ZNF891: variants seen among roughly 807,000 people sequenced by gnomAD.
The protein encoded by ZNF891 is zinc finger protein 891, also known as hCG1646157.
For missense variants in ZNF891, 589 were observed against 632.7 expected (o/e 0.93, Z 0.74); for synonymous variants, 199 against 209.0 (o/e 0.95, Z 0.41).
chr12:133,106,850 T>G lies in ZNF891; in HGVS notation c.*13434A>C. The G allele has an allele frequency of 2.3e-6, 1 of 442,622 alleles. No homozygotes were observed. Among genetic ancestry groups the G allele is most frequent in the Non-Finnish European group, 3.9e-6 (1 of 254,404 alleles). The allele number at this position is 442,622 out of a possible 1,614,324, so 27.4% of individuals were successfully genotyped here. On this transcript the variant is annotated 3_prime_UTR_variant, in exon 2 of 2. Coordinates refer to ENST00000537226, the MANE Select transcript of ZNF891 (RefSeq NM_001277291.2). ...AAAGCCATTAATAACCACTCTTTTATTTTTTTGCAATAACAAGGTGAAATC... is the reference window on the plus strand; with the variant it reads ...AAAGCCATTAATAACCACTCTTTTAGTTTTTTGCAATAACAAGGTGAAATC...
rs537176092 is a variant in ZNF891 at position 133,111,220 on chromosome 12, A to C, written c.*9064T>G. On this transcript the variant is annotated 3_prime_UTR_variant, in exon 2 of 2. Transcript: ENST00000537226. ...AACAATTCTTTTAAGGAAACAAAAC[A>C]AAAAAAAATAAATTATGTAACCCAG... 1 of 151,576 alleles carries C rather than the reference A, an allele frequency of 6.6e-6. No individual in the cohort carries two copies. Among genetic ancestry groups the C allele is most frequent in the South Asian group, 2.1e-4 (1 of 4,800 alleles). The allele number at this position is 151,576 out of a possible 1,614,324, so 9.4% of individuals were successfully genotyped here.
rs540032154 is a variant in ZNF891 at position 133,110,568 on chromosome 12, T to G, written c.*9716A>C. 9 of 152,204 alleles carry G rather than the reference T, an allele frequency of 5.9e-5. No individual in the cohort carries two copies. The highest frequency in any genetic ancestry group is 8.8e-5 in the Non-Finnish European group (6 of 68,042). The allele number at this position is 152,204 out of a possible 1,614,324, so 9.4% of individuals were successfully genotyped here. A position where few individuals can be genotyped will look rare whatever the true frequency, so the allele number is the denominator to read the frequency against. Reference sequence around the variant, plus strand: ...GCAACAATCAAATGCTTTGGGAGACTTAAGATACTCACAAATAGGTAAAGC... The same window carrying G: ...GCAACAATCAAATGCTTTGGGAGACGTAAGATACTCACAAATAGGTAAAGC... On this transcript the variant is annotated 3_prime_UTR_variant, in exon 2 of 2. Transcript: ENST00000537226.
In ZNF891 at chr12:133,105,600, T is replaced by TAA; in HGVS notation, c.*14682_*14683dup. 6.2e-7 allele frequency: 1 copy of TAA among 1,614,178 alleles called. No homozygotes were observed. The highest frequency in any genetic ancestry group is 1.3e-5 in the African/African-American group (1 of 75,060). Reference sequence around the variant, plus strand: ...CAGTATTTGATCATGGAAAGAATTCTAAGTCAAGGCCCTGTGTATTCCAGT... The same window carrying TAA: ...CAGTATTTGATCATGGAAAGAATTCTAAAAGTCAAGGCCCTGTGTATTCCAGT... On this transcript the variant is annotated 3_prime_UTR_variant, in exon 2 of 2. Coordinates refer to ENST00000537226, the MANE Select transcript of ZNF891 (RefSeq NM_001277291.2).
chr12:133,121,063 T>A lies in ZNF891; in HGVS notation c.856A>T (p.Asn286Tyr). 6.5e-7 allele frequency: 1 copy of A among 1,535,662 alleles called. No individual in the cohort carries two copies. Among genetic ancestry groups the A allele is most frequent in the Non-Finnish European group, 8.7e-7 (1 of 1,146,878 alleles). Residue 286 changes from asparagine to tyrosine, a missense_variant, in exon 2 of 2, where the codon AAT becomes TAT. Coordinates refer to ENST00000537226, the MANE Select transcript of ZNF891 (RefSeq NM_001277291.2). The part of the protein sequence containing the change: ...FTHNMFPVPN[N>Y]LHMAQNACEC... ...CAGGCATTCTGTGCCATATGCAAAT[T>A]GTTAGGTACAGGAAACATATTATGT...
In ZNF891 at chr12:133,120,458, G is replaced by C. The variant is rs1955744212; in HGVS notation, c.1461C>G (p.Pro487=). Reference sequence around the variant, plus strand: ...CTTTCCTACATTCCTTACATTCATAGGGTTTCTCTCCAGTGTGAGTTCTTA... The same window carrying C: ...CTTTCCTACATTCCTTACATTCATACGGTTTCTCTCCAGTGTGAGTTCTTA... ...MHIRTHTGEK[P]YECKECRKAF... The change falls in exon 2 of 2, where the codon CCC becomes CCG. Residue 487 remains proline (P), a synonymous_variant. Transcript: ENST00000537226. 2 of 1,604,726 alleles carry C rather than the reference G, an allele frequency of 1.2e-6. No homozygotes were observed. The highest frequency in any genetic ancestry group is 1.3e-5 in the African/African-American group (1 of 74,564).
At position 133,105,585 on chromosome 12, in the gene ZNF891, T is replaced by C; in HGVS notation, c.*14699A>G. 6.2e-7 allele frequency: 1 copy of C among 1,614,116 alleles called. No individual in the cohort carries two copies. Among genetic ancestry groups the C allele is most frequent in the Non-Finnish European group, 8.5e-7 (1 of 1,180,022 alleles). On this transcript the variant is annotated 3_prime_UTR_variant, in exon 2 of 2. Coordinates refer to ENST00000537226, the MANE Select transcript of ZNF891 (RefSeq NM_001277291.2). Reference sequence around the variant, plus strand: ...TATGATGACTCATCCCAGTATTTGATCATGGAAAGAATTCTAAGTCAAGGC... The same window carrying C: ...TATGATGACTCATCCCAGTATTTGACCATGGAAAGAATTCTAAGTCAAGGC...
chr12:133,106,584 C>T lies in ZNF891; in HGVS notation c.*13700G>A, dbSNP rs1413580084. 3 of 1,613,344 alleles carry T rather than the reference C, an allele frequency of 1.9e-6. No individual in the cohort carries two copies. The stretch of plus-strand genomic sequence containing the variant: ...CTTGCTAAACATCAGAGGACACACA[C>T]TCTTGACAACCCCTATGAATATGAA... On this transcript the variant is annotated 3_prime_UTR_variant, in exon 2 of 2. Transcript: ENST00000537226.
rs375267475 is a variant in ZNF891 at position 133,120,312 on chromosome 12, C to A, written c.1607G>T (p.Arg536Ile). 4.7e-5 allele frequency: 73 copies of A among 1,547,374 alleles called. No individual in the cohort carries two copies. The East Asian group carries it at 1.4e-3, about 31-fold the overall frequency. Residue 536 changes from arginine (R) to isoleucine (I), a missense_variant, in exon 2 of 2, where the codon AGA (arginine) becomes ATA (isoleucine). Coordinates refer to ENST00000537226, the MANE Select transcript of ZNF891 (RefSeq NM_001277291.2). ...CAGGGTTTCTCTCTCAGTATGAATTCTCTTGTGTATAATAAGTGAAGAGCT... is the reference window on the plus strand; with the variant it reads ...CAGGGTTTCTCTCTCAGTATGAATTATCTTGTGTATAATAAGTGAAGAGCT... ...SQSSSLIIHK[R>I]IHTERETL
At chr12:133,122,564 A>C (rs1955775149) in intron 1 of ZNF891, among the ~76,000 whole-genome samples, 1 of 152,214 alleles carries the variant, frequency 6.6e-6, no homozygotes, top group Non-Finnish European at 1.5e-5. Context: ...ACATACGGAC[A>C]CAGGGTGGGG....
Position 133,119,099 on chromosome 12 carries a change from T to C in ZNF891, c.*1185A>G, listed in dbSNP as rs776188868. On this transcript the variant is annotated 3_prime_UTR_variant, in exon 2 of 2. Transcript: ENST00000537226. ...ATTAGCCAGGCATGGTGGCATGCAT[T>C]TGTGATCCCAACTACTGAGGAGACT... The C allele has an allele frequency of 6.6e-6, 1 of 151,932 alleles. No individual in the cohort carries two copies. The highest frequency in any genetic ancestry group is 2.1e-4 in the South Asian group (1 of 4,800). The allele number at this position is 151,932 out of a possible 1,614,324, so 9.4% of individuals were successfully genotyped here.
In ZNF891 at chr12:133,106,725, C is replaced by T; in HGVS notation, c.*13559G>A. ...AAGTATAATGCCTTACTTCAGAGAACTCTTGGAAAGAAGCCTTATGTGAAA... is the reference window on the plus strand; with the variant it reads ...AAGTATAATGCCTTACTTCAGAGAATTCTTGGAAAGAAGCCTTATGTGAAA... On this transcript the variant is annotated 3_prime_UTR_variant, in exon 2 of 2. Coordinates refer to ENST00000537226, the MANE Select transcript of ZNF891 (RefSeq NM_001277291.2). The T allele has an allele frequency of 1.5e-6, 2 of 1,341,190 alleles. No homozygotes were observed. Among genetic ancestry groups the T allele is most frequent in the Non-Finnish European group, 2.0e-6 (2 of 997,188 alleles). The allele number at this position is 1,341,190 out of a possible 1,614,324, so 83.1% of individuals were successfully genotyped here. A position where few individuals can be genotyped will look rare whatever the true frequency, so the allele number is the denominator to read the frequency against.
In ZNF891 at chr12:133,121,376, T is replaced by C. The variant is rs1415364078; in HGVS notation, c.543A>G (p.Lys181=). Residue 181 remains lysine (K), a synonymous_variant, in exon 2 of 2, where the codon AAA becomes AAG. Coordinates refer to ENST00000537226, the MANE Select transcript of ZNF891 (RefSeq NM_001277291.2). ...CACGGAATAGCTCCTGAGGTACTGT[T>C]TTCTTTGGGGCATATATCATTTGCC... ...HWRQMIYAPK[K]TVPQELFRDY... 1 of 1,536,136 alleles carries C rather than the reference T, an allele frequency of 6.5e-7. No homozygotes were observed. The highest frequency in any genetic ancestry group is 2.4e-5 in the East Asian group (1 of 40,904).
rs1955732393 is a variant in ZNF891 at position 133,119,088 on chromosome 12, G to A, written c.*1196C>T. 6.6e-6 allele frequency: 1 copy of A among 152,020 alleles called. No homozygotes were observed. 9.4% of individuals were successfully genotyped at this position (152,020 alleles called of 1,614,324 possible). A position where few individuals can be genotyped will look rare whatever the true frequency, so the allele number is the denominator to read the frequency against. ...ATATTTTTAAAATTAGCCAGGCATG[G>A]TGGCATGCATTTGTGATCCCAACTA... On this transcript the variant is annotated 3_prime_UTR_variant, in exon 2 of 2. Coordinates refer to ENST00000537226, the MANE Select transcript of ZNF891 (RefSeq NM_001277291.2).
chr12:133,105,507 C>A lies in ZNF891; in HGVS notation c.*14777G>T. 1 of 1,569,396 alleles carries A rather than the reference C, an allele frequency of 6.4e-7. No individual in the cohort carries two copies. Among genetic ancestry groups the A allele is most frequent in the South Asian group, 1.2e-5 (1 of 83,914 alleles). ...CATTCACTTTTTTTTTGGTATCTTT[C>A]AGTTTCAGAGTCAAGTGGTGAGATC... On this transcript the variant is annotated 3_prime_UTR_variant, in exon 2 of 2. Transcript: ENST00000537226.
At position 133,116,500 on chromosome 12, in the gene ZNF891, C is replaced by T. The variant is rs773869854; in HGVS notation, c.*3784G>A. The T allele has an allele frequency of 1.3e-5, 2 of 152,272 alleles. No homozygotes were observed. The highest frequency in any genetic ancestry group is 4.1e-4 in the South Asian group (2 of 4,826). 9.4% of individuals were successfully genotyped at this position (152,272 alleles called of 1,614,324 possible). A position where few individuals can be genotyped will look rare whatever the true frequency, so the allele number is the denominator to read the frequency against. On this transcript the variant is annotated 3_prime_UTR_variant, in exon 2 of 2. Transcript: ENST00000537226. ...TGGTTTCACAGCATGACTGCAGGCT[C>T]TCCTTTCCAAGCTACAAATGAATCC...
rs1389888211 is a variant in ZNF891, at chr12:133,117,965, T to G, written c.*2319A>C. On this transcript the variant is annotated 3_prime_UTR_variant, in exon 2 of 2. Coordinates refer to ENST00000537226, the MANE Select transcript of ZNF891 (RefSeq NM_001277291.2). ...ACCTTCCTTTTTTTTTTTTTTTTTT[T>G]GAGATGAAGTCCTGCTCTGTCACCA... 9.2e-6 allele frequency: 1 copy of G among 108,592 alleles called. No individual in the cohort carries two copies. The highest frequency in any genetic ancestry group is 3.6e-5 in the African/African-American group (1 of 28,118). 6.7% of individuals were successfully genotyped at this position (108,592 alleles called of 1,614,324 possible).
rs1443595002 is a variant in ZNF891, at chr12:133,117,550, T to C, written c.*2734A>G. ...TCCGCCTCATGGCAAACACCAATAC[T>C]TTTGTTTGTGCTCTAAACATCTACA... On this transcript the variant is annotated 3_prime_UTR_variant, in exon 2 of 2. Coordinates refer to ENST00000537226, the MANE Select transcript of ZNF891 (RefSeq NM_001277291.2). 6.6e-6 allele frequency: 1 copy of C among 152,254 alleles called. No homozygotes were observed. The highest frequency in any genetic ancestry group is 1.5e-5 in the Non-Finnish European group (1 of 68,044). The allele number at this position is 152,254 out of a possible 1,614,324, so 9.4% of individuals were successfully genotyped here.
In ZNF891 at chr12:133,118,998, T is replaced by G. The variant is rs929318798; in HGVS notation, c.*1286A>C. On this transcript the variant is annotated 3_prime_UTR_variant, in exon 2 of 2. Coordinates refer to ENST00000537226, the MANE Select transcript of ZNF891 (RefSeq NM_001277291.2). ...CTTTGGGAGGCAAAGGCAGGAGGAC[T>G]GCTTGAGCCCAGGAGTTTCAGACCA... 1.3e-5 allele frequency: 2 copies of G among 152,114 alleles called. No individual in the cohort carries two copies. Among genetic ancestry groups the G allele is most frequent in the Non-Finnish European group, 2.9e-5 (2 of 68,014 alleles). The allele number at this position is 152,114 out of a possible 1,614,324, so 9.4% of individuals were successfully genotyped here.
chr12:133,120,722 A>T lies in ZNF891; in HGVS notation c.1197T>A (p.Thr399=). The change falls in exon 2 of 2, where the codon ACT becomes ACA. Residue 399 remains threonine, a synonymous_variant. Transcript: ENST00000537226. The part of the protein sequence containing the change: ...TSLKAHMRTH[T]GEKPYECNQC... ...GATTACATTCATAAGGTTTCTCTCC[A>T]GTGTGAGTTCTCATGTGAGCCTTAA... 1 of 1,567,448 alleles carries T rather than the reference A, an allele frequency of 6.4e-7. No homozygotes were observed.
Sources: gnomAD v4.1 joint callset for allele counts (sites outside exome capture counted in the v4.1 genomes callset) on GRCh38, gnomAD v4.1.1 for gene constraint, MANE v1.5 for transcripts, NCBI Gene and HGNC (gene_info 2026-07-23, HGNC 2026-07-21) for gene names.